The following LARP1B variants were observed in gnomAD, a reference collection of about 807,000 sequenced individuals.
LARP1B encodes the protein la-related protein 1B.
LARP1B carries 76 observed loss-of-function variants against 114.2 expected under a neutral mutation model. That is an observed-to-expected ratio of 0.67 (90% CI 0.55 to 0.81). The LOEUF (loss-of-function observed/expected upper bound fraction) is 0.81, where lower values mean the gene tolerates loss of function less well. LARP1B is among the 30% of genes least tolerant of loss of function. The pLI, the probability that LARP1B is intolerant of heterozygous loss-of-function variation, is 0.00. For missense variants in LARP1B, 1,014 were observed against 1,075.8 expected (o/e 0.94, Z 0.80); for synonymous variants, 345 against 348.0 (o/e 0.99, Z 0.10).
At chr4:128,147,999 A>G (rs1259406079) in intron 11 of LARP1B, among the ~76,000 whole-genome samples, 1 of 152,226 alleles carries the variant, frequency 6.6e-6, no homozygotes, top group Admixed American at 6.5e-5. Flanking sequence ...TATGTGAATT[A>G]TCTAACAGAG....
In LARP1B at chr4:128,210,320, T is replaced by C. The variant is rs1485301149; in HGVS notation, c.*267T>C. The stretch of plus-strand genomic sequence containing the variant: ...ACCTTTTATAGAGATCTTCTAGTAA[T>C]GTATTTTGATCTCAGATTTCTTTTT... On this transcript the variant is annotated 3_prime_UTR_variant, in exon 20 of 20. Coordinates refer to ENST00000326639, the MANE Select transcript of LARP1B (RefSeq NM_018078.4). 1 of 1,200,980 alleles carries C rather than the reference T, an allele frequency of 8.3e-7. No individual in the cohort carries two copies. The highest frequency in any genetic ancestry group is 1.0e-6 in the Non-Finnish European group (1 of 964,186). 74.4% of individuals were successfully genotyped at this position (1,200,980 alleles called of 1,614,324 possible).
chr4:128,088,092 T>C (rs1774375117), intron 5 of LARP1B, among the ~76,000 whole-genome samples: 1 of 151,998 alleles, frequency 6.6e-6, no homozygotes, highest in Non-Finnish European at 1.5e-5. Flanking sequence ...CTTGGTAGGC[T>C]GAGGTAAGGA....
chr4:128,136,949 A>G (rs1725593293), intron 11 of LARP1B, among the ~76,000 whole-genome samples: 1 of 152,186 alleles, frequency 6.6e-6, no homozygotes, highest in Admixed American at 6.5e-5. Flanking sequence ...ATAAATTCCC[A>G]TATTCCCCAA....
intron 1 of LARP1B, among the ~76,000 whole-genome samples, chr4:128,065,315 T>C (rs79518923): frequency 0.12 from 9,469 of 78,966 alleles, 817 homozygotes; most frequent in Admixed American, 0.15. Context: ...CTTTCTTTCT[T>C]TCTCTCTCTC....
chr4:128,149,768 G>A lies in LARP1B; in HGVS notation c.1525-12426G>A, dbSNP rs908142182. Among the ~76,000 whole-genome samples, 3 of 152,158 alleles carry A rather than the reference G, an allele frequency of 2.0e-5. No homozygotes were observed. The South Asian group carries it at 6.2e-4, about 32-fold the overall frequency. On this transcript the variant is annotated intron_variant, in intron 11 of 19. Coordinates refer to ENST00000326639, the MANE Select transcript of LARP1B (RefSeq NM_018078.4). ...ATTTAGTAAAGAAGGGAGACTTAAAGCAGGAAAAGTGATTGAACTTTTTAA... is the reference window on the plus strand; with the variant it reads ...ATTTAGTAAAGAAGGGAGACTTAAAACAGGAAAAGTGATTGAACTTTTTAA...
chr4:128,198,504 C>A (rs1362403018), intron 15 of LARP1B, among the ~76,000 whole-genome samples: 1 of 152,168 alleles, frequency 6.6e-6, no homozygotes, highest in African/African-American at 2.4e-5. Flanking sequence ...AAGTGCATAA[C>A]AATGAAGGAT....
rs1022839028 is a variant in LARP1B, at chr4:128,178,517, C to G, written c.1771C>G (p.Pro591Ala). The G allele has an allele frequency of 6.2e-7, 1 of 1,613,904 alleles. No homozygotes were observed. Among genetic ancestry groups the G allele is most frequent in the African/African-American group, 1.3e-5 (1 of 75,020 alleles). ...GGTTCATTCGTTGCCTACAGCAGTT[C>G]CAGAATCTCCTAGAATTCATCCTAC... ...AMVHSLPTAV[P>A]ESPRIHPTRT... Residue 591 changes from proline to alanine, a missense_variant, in exon 14 of 20, where the codon CCA (proline) becomes GCA (alanine). Transcript: ENST00000326639.
At chr4:128,172,270 G>A (rs914493418) in intron 12 of LARP1B, among the ~76,000 whole-genome samples, 2 of 151,706 alleles carry the variant, frequency 1.3e-5, no homozygotes, top group Admixed American at 1.3e-4. Context: ...CCTTAATTAC[G>A]ATTGCTTTGG....
chr4:128,116,617 A>G (rs1055182979), intron 10 of LARP1B, among the ~76,000 whole-genome samples: 3 of 152,160 alleles, frequency 2.0e-5, no homozygotes, highest in Non-Finnish European at 4.4e-5. Flanking sequence ...TCTGAAATGT[A>G]TGGTATTCTG....
chr4:128,108,324 C>T (rs1475257730), intron 9 of LARP1B: 17 of 1,006,586 alleles, frequency 1.7e-5, no homozygotes, highest in Non-Finnish European at 2.0e-5. Flanking sequence ...TTCTTAAGTA[C>T]TTTGCTATTC....
Position 128,137,255 on chromosome 4 carries a change from C to A in LARP1B, c.1524+15067C>A, listed in dbSNP as rs188962591. Among the ~76,000 whole-genome samples the A allele has an allele frequency of 1.5e-3, 225 of 152,132 alleles. 2 individuals are homozygous for A. The highest frequency in any genetic ancestry group is 1.0e-3 in the Non-Finnish European group (69 of 67,964). ...AAAAAAAACAAAAAACAAAAACTCC[C>A]CCAATTCTCAAAGACAGAGCAAAAG... On this transcript the variant is annotated intron_variant, in intron 11 of 19. Transcript: ENST00000326639.
chr4:128,176,319 G>A (rs1432452029), intron 12 of LARP1B, among the ~76,000 whole-genome samples: 3 of 146,346 alleles, frequency 2.0e-5, no homozygotes, highest in Non-Finnish European at 4.5e-5. Flanking sequence ...TTTAGATGAA[G>A]TCTTGCTCTT....
intron 1 of LARP1B, among the ~76,000 whole-genome samples, chr4:128,064,489 C>A (rs1761666645): frequency 6.6e-6 from 1 of 152,128 alleles, no homozygotes. Flanking sequence ...TCCTTCCTCG[C>A]TATAAAGAGC....
intron 1 of LARP1B, among the ~76,000 whole-genome samples, chr4:128,065,291 T>C (rs1762123186): frequency 4.4e-5 from 6 of 136,466 alleles, no homozygotes; most frequent in Admixed American, 3.1e-4. Context: ...CTTTCTTTCT[T>C]TCTTTCTTTC....
In LARP1B at chr4:128,091,152, A is replaced by G. The variant is rs888794623; in HGVS notation, c.502+8A>G. The stretch of plus-strand genomic sequence containing the variant: ...GCAGAGGAAATCCTCGATGTATGAC[A>G]TAATTTTTGTTTCGTTAAATTAGAT... On this transcript the variant is annotated splice_region_variant and intron_variant, in intron 6 of 19. Coordinates refer to ENST00000326639, the MANE Select transcript of LARP1B (RefSeq NM_018078.4). 8.1e-6 allele frequency: 13 copies of G among 1,606,344 alleles called. No homozygotes were observed. Among genetic ancestry groups the G allele is most frequent in the Middle Eastern group, 1.7e-4 (1 of 5,788 alleles).
chr4:128,084,849 GATTATT>G (rs905911789), intron 5 of LARP1B, among the ~76,000 whole-genome samples: 4 of 151,848 alleles, frequency 2.6e-5, no homozygotes, highest in Admixed American at 6.6e-5. Context: ...TTACAACATT[GATTATT>G]ATTATTATTA....
intron 5 of LARP1B, among the ~76,000 whole-genome samples, chr4:128,084,386 G>A (rs1385421565): frequency 6.6e-6 from 1 of 152,274 alleles, no homozygotes; most frequent in Non-Finnish European, 1.5e-5. Context: ...CCTCCGGGAG[G>A]CCGAGGCTGG....
intron 10 of LARP1B, among the ~76,000 whole-genome samples, chr4:128,117,724 T>A (rs746782846): frequency 6.6e-6 from 1 of 152,036 alleles, no homozygotes. Flanking sequence ...TTCACTATGT[T>A]GGCCAGGCTG....
At chr4:128,162,909 A>C (rs1023913978) in intron 12 of LARP1B, among the ~76,000 whole-genome samples, 4 of 152,114 alleles carry the variant, frequency 2.6e-5, no homozygotes, top group African/African-American at 9.7e-5. Flanking sequence ...CTCCCTGTGG[A>C]TTATTTTTAA....
Sources: gnomAD v4.1 joint callset for allele counts (sites outside exome capture counted in the v4.1 genomes callset) on GRCh38, gnomAD v4.1.1 for gene constraint, MANE v1.5 for transcripts, NCBI Gene and HGNC (gene_info 2026-07-23, HGNC 2026-07-21) for gene names.